The following EDA variants were observed in gnomAD, a reference collection of about 807,000 sequenced individuals.
EDA encodes ectodysplasin A.
Under a neutral mutation model 23.6 loss-of-function variants are expected in EDA, and 2 were observed. That is an observed-to-expected ratio of 0.08 (90% confidence interval 0.03 to 0.27). The LOEUF (loss-of-function observed/expected upper bound fraction) is 0.27, where lower values mean the gene tolerates loss of function less well. Among genes scored for constraint, EDA ranks in the 10% least tolerant of loss-of-function variants. The probability of loss-of-function intolerance (pLI) is 1.00; values close to 1 mark genes in which losing one functional copy is unlikely to be tolerated. For missense variants in EDA, 229 were observed against 324.2 expected (o/e 0.71, Z 2.26); for synonymous variants, 131 against 132.0 (o/e 0.99, Z 0.05).
intron 1 of EDA, among the ~76,000 whole-genome samples, chrX:69,838,521 G>A: frequency 8.9e-6 from 1 of 112,363 alleles, no homozygotes; most frequent in Non-Finnish European, 1.9e-5. Flanking sequence ...CAGCTACTCA[G>A]GAAGCTGAGG....
chrX:69,812,827 G>C (rs756436065), intron 1 of EDA, among the ~76,000 whole-genome samples: 7 of 111,817 alleles, frequency 6.3e-5, no homozygotes, highest in Middle Eastern at 4.6e-3. Flanking sequence ...TATTCATTTT[G>C]AGCTTAAGTA....
intron 2 of EDA, among the ~76,000 whole-genome samples, chrX:69,970,995 T>C (rs2019239946): frequency 1.8e-5 from 2 of 112,355 alleles, no homozygotes; most frequent in African/African-American, 6.5e-5. Context: ...CATATGGATT[T>C]CTAAAGAATT....
At chrX:69,728,394 A>G (rs1216307806) in intron 1 of EDA, among the ~76,000 whole-genome samples, 2 of 112,210 alleles carry the variant, frequency 1.8e-5, no homozygotes, top group Non-Finnish European at 3.8e-5. Context: ...CATTTGAGCT[A>G]AGTCTCTAAT....
chrX:69,700,454 G>A (rs1333444821), intron 1 of EDA, among the ~76,000 whole-genome samples: 3 of 111,874 alleles, frequency 2.7e-5, no homozygotes, highest in Non-Finnish European at 5.6e-5. Context: ...ATATGGGTTA[G>A]GAACTACTGG....
intron 1 of EDA, among the ~76,000 whole-genome samples, chrX:69,684,808 G>A (rs2076856277): frequency 8.9e-6 from 1 of 112,318 alleles, no homozygotes; most frequent in Admixed American, 9.4e-5. Flanking sequence ...TATTTGATAA[G>A]GAATGCCATT....
At chrX:69,952,618 T>C (rs1402810987) in intron 1 of EDA, among the ~76,000 whole-genome samples, 2 of 111,919 alleles carry the variant, frequency 1.8e-5, no homozygotes, top group African/African-American at 3.2e-5. Flanking sequence ...TCTCTTCTAA[T>C]GAACACTTGA....
At chrX:70,003,325 G>A (rs983430171) in intron 2 of EDA, among the ~76,000 whole-genome samples, 4 of 111,882 alleles carry the variant, frequency 3.6e-5, no homozygotes, top group African/African-American at 9.7e-5. Flanking sequence ...TGTTTGGTTA[G>A]CCCTGCCAGG....
rs781461113 is a variant in EDA, at chrX:69,963,234, TGA to T, written c.502+6106_502+6107del. ...ACTATTAAATTGATACAGATGAACA[TGA>T]GAGTCTATGATGTCAAAGAAAACAG... On this transcript the variant is annotated intron_variant, in intron 2 of 7. Transcript: ENST00000374552. Among the ~76,000 whole-genome samples, 24 of 112,183 alleles carry T rather than the reference TGA, an allele frequency of 2.1e-4. No individual in the cohort carries two copies. The East Asian group carries it at 6.1e-3, about 29-fold the overall frequency.
At position 69,730,276 on chromosome X, in the gene EDA, A is replaced by G. The variant is rs1454496292; in HGVS notation, c.396+113572A>G. ...AAGTGCTCAGTGTATTAGGTGCTCAATATTTCTGAATGAACAAATGAATTA... is the reference window on the plus strand; with the variant it reads ...AAGTGCTCAGTGTATTAGGTGCTCAGTATTTCTGAATGAACAAATGAATTA... On this transcript the variant is annotated intron_variant, in intron 1 of 7. Transcript: ENST00000374552. Among the ~76,000 whole-genome samples, 8 of 112,123 alleles carry G rather than the reference A, an allele frequency of 7.1e-5. No homozygotes were observed. The South Asian group carries it at 1.1e-3, about 16-fold the overall frequency.
intron 1 of EDA, among the ~76,000 whole-genome samples, chrX:69,650,309 A>G (rs1250561614): frequency 8.9e-6 from 1 of 111,989 alleles, no homozygotes; most frequent in Non-Finnish European, 1.9e-5. Context: ...AACAAAACAG[A>G]TAGTGTCTCT....
chrX:69,782,205 TA>T (rs896255742), intron 1 of EDA, among the ~76,000 whole-genome samples: 20 of 108,599 alleles, frequency 1.8e-4, no homozygotes, highest in Non-Finnish European at 3.2e-4. Flanking sequence ...TTTTGATAAG[TA>T]AAAAGGACTA....
chrX:69,963,004 T>C (rs372643515), intron 2 of EDA, among the ~76,000 whole-genome samples: 100 of 111,894 alleles, frequency 8.9e-4, no homozygotes, highest in African/African-American at 3.1e-3. Flanking sequence ...TCTGTGGCAC[T>C]ATCTCACTCT....
At chrX:69,947,118 C>T (rs2018844467) in intron 1 of EDA, among the ~76,000 whole-genome samples, 1 of 112,101 alleles carries the variant, frequency 8.9e-6, no homozygotes, top group South Asian at 3.7e-4. Context: ...TGCCAAAGCA[C>T]CTTTCACTTT....
intron 1 of EDA, among the ~76,000 whole-genome samples, chrX:69,677,462 C>T (rs1010125806): frequency 1.1e-4 from 12 of 111,363 alleles, no homozygotes; most frequent in African/African-American, 3.6e-4. Context: ...AAAAGTGTTC[C>T]TATTTCTCCA....
chrX:70,017,120 A>C (rs1251796216), intron 2 of EDA, among the ~76,000 whole-genome samples: 1 of 111,843 alleles, frequency 8.9e-6, no homozygotes, highest in Non-Finnish European at 1.9e-5. Flanking sequence ...GAAACTGATA[A>C]ATTCCTGGAA....
chrX:69,760,426 GCT>G (rs1052134126), intron 1 of EDA, among the ~76,000 whole-genome samples: 1 of 111,100 alleles, frequency 9.0e-6, no homozygotes, highest in Non-Finnish European at 1.9e-5. Flanking sequence ...CCCACAAAGG[GCT>G]CTCTATTTTC....
At chrX:69,890,396 CAA>C (rs1411549549) in intron 1 of EDA, among the ~76,000 whole-genome samples, 1 of 98,665 alleles carries the variant, frequency 1.0e-5, no homozygotes. Context: ...TATATGGAAC[CAA>C]AAAAAAAAAG....
At chrX:69,935,916 C>T (rs1322462756) in intron 1 of EDA, among the ~76,000 whole-genome samples, 1 of 108,462 alleles carries the variant, frequency 9.2e-6, no homozygotes, top group Non-Finnish European at 1.9e-5. Context: ...TATATATTCT[C>T]ATATATTCTC....
chrX:69,690,126 T>C (rs1246049974), intron 1 of EDA, among the ~76,000 whole-genome samples: 1 of 110,574 alleles, frequency 9.0e-6, no homozygotes, highest in Non-Finnish European at 1.9e-5. Flanking sequence ...ACAGAGAGAG[T>C]TTTCTGGATG....
Sources: allele counts gnomAD v4.1 joint callset (sites outside exome capture counted in the v4.1 genomes callset), GRCh38; gene constraint gnomAD v4.1.1; transcripts MANE v1.5; gene names NCBI Gene and HGNC (gene_info 2026-07-23, HGNC 2026-07-21).